CIITA: variants seen among roughly 807,000 people sequenced by gnomAD.
The protein encoded by CIITA is class II major histocompatibility complex transactivator, also known as MHC class II transactivator.
Under a neutral mutation model 115.1 loss-of-function variants are expected in CIITA, and 72 were observed. The observed-to-expected ratio is 0.63, with a 90% CI of 0.52 to 0.76. The LOEUF (loss-of-function observed/expected upper bound fraction) is 0.76, where lower values mean the gene tolerates loss of function less well. CIITA is among the 30% of genes least tolerant of loss of function. The probability of loss-of-function intolerance (pLI) is 0.00; values close to 1 mark genes in which losing one functional copy is unlikely to be tolerated. For missense variants in CIITA, 1,617 were observed against 1,463.8 expected (o/e 1.10, Z -1.71); for synonymous variants, 763 against 635.6 (o/e 1.20, Z -3.02).
intron 15 of CIITA, chr16:10,917,101 A>G (rs2039993292): frequency 4.7e-6 from 1 of 210,976 alleles, no homozygotes; most frequent in African/African-American, 2.3e-5. Flanking sequence ...ATTATTATCA[A>G]AACAGTAAAA....
intron 15 of CIITA, 62 bp downstream of exon 15, chr16:10,916,521 C>A: frequency 7.0e-7 from 1 of 1,418,516 alleles, no homozygotes; most frequent in Non-Finnish European, 9.8e-7. Context: ...CTGACTTTTT[C>A]AAAATTAATT....
chr16:10,920,475 G>A lies in CIITA; in HGVS notation c.3150-1692G>A, dbSNP rs1407216541. On this transcript the variant is annotated intron_variant, in intron 16 of 19. Coordinates refer to ENST00000324288, the MANE Select transcript of CIITA (RefSeq NM_000246.4). The surrounding 1 kb of genome is among the most constrained non-coding windows in gnomAD (Gnocchi z 4.5). ...TGGCCCAGACTGGTCTTGAAATCCT[G>A]GGCCCAAGCGATCCACCCACCTCAG... Among the ~76,000 whole-genome samples the A allele has an allele frequency of 2.6e-5, 4 of 152,192 alleles. No individual in the cohort carries two copies. The highest frequency in any genetic ancestry group is 9.7e-5 in the African/African-American group (4 of 41,444).
At chr16:10,905,025 C>G (rs1048253531) in intron 10 of CIITA, among the ~76,000 whole-genome samples, 3 of 152,170 alleles carry the variant, frequency 2.0e-5, no homozygotes, top group Admixed American at 2.0e-4. Context: ...TATTGCCCTT[C>G]AATAAGCCTG....
intron 1 of CIITA, among the ~76,000 whole-genome samples, chr16:10,890,787 T>C (rs1410942598): frequency 2.0e-5 from 3 of 152,216 alleles, no homozygotes; most frequent in African/African-American, 7.2e-5. Context: ...TGTGCTGCCT[T>C]AAACTTCTGT....
chr16:10,893,398 T>A (rs2037791522), intron 1 of CIITA, among the ~76,000 whole-genome samples: 1 of 152,184 alleles, frequency 6.6e-6, no homozygotes, highest in African/African-American at 2.4e-5. Context: ...AAGAGCTACA[T>A]GATCTTGAGG....
chr16:10,877,701 G>A (rs543785194), intron 1 of CIITA, among the ~76,000 whole-genome samples: 8 of 152,242 alleles, frequency 5.3e-5, no homozygotes, highest in Middle Eastern at 3.4e-3. Flanking sequence ...AGGTCTTCTC[G>A]CCTCCCTTTG....
At chr16:10,905,615 A>G (rs2039086259) in intron 10 of CIITA, among the ~76,000 whole-genome samples, 2 of 152,004 alleles carry the variant, frequency 1.3e-5, no homozygotes, top group African/African-American at 4.8e-5. Context: ...TACAAAAATT[A>G]GCCAGACGTG....
At position 10,934,416 on chromosome 16, in the gene CIITA, G is replaced by C. The variant is rs2040936139; in HGVS notation, c.*10561G>C. The stretch of plus-strand genomic sequence containing the variant: ...CCCTTGGCCTGTATAACTGAGCCTT[G>C]TGCCAGTTAAAAGGGCAAAGCAGTA... On this transcript the variant is annotated 3_prime_UTR_variant, in exon 20 of 20. Transcript: ENST00000324288. The surrounding 1 kb of genome is among the most constrained non-coding windows in gnomAD (Gnocchi z 4.2). 6.6e-6 allele frequency: 1 copy of C among 152,228 alleles called. No individual in the cohort carries two copies. The allele number at this position is 152,228 out of a possible 1,614,324, so 9.4% of individuals were successfully genotyped here.
intron 1 of CIITA, among the ~76,000 whole-genome samples, chr16:10,887,991 C>A (rs1479780062): frequency 6.6e-6 from 1 of 152,198 alleles, no homozygotes; most frequent in Non-Finnish European, 1.5e-5. Context: ...ACAACAATCT[C>A]CCAGAGTTGC....
intron 1 of CIITA, among the ~76,000 whole-genome samples, chr16:10,894,686 T>C (rs1203420523): frequency 1.3e-5 from 2 of 152,192 alleles, no homozygotes; most frequent in Non-Finnish European, 2.9e-5. Context: ...AGTTTACATA[T>C]TAGGAAACTG....
At chr16:10,902,600 A>C in intron 7 of CIITA, 58 bp from the exon 8 acceptor site, 1 of 1,610,050 alleles carries the variant, frequency 6.2e-7, no homozygotes, top group Non-Finnish European at 8.5e-7. Flanking sequence ...AAGCAAAAGC[A>C]GAATCGCAAA....
rs182369772 is a variant in CIITA, at chr16:10,906,660, C to T, written c.1168C>T (p.Arg390Trp). The T allele has an allele frequency of 2.2e-5, 35 of 1,613,526 alleles. No individual in the cohort carries two copies. Among genetic ancestry groups the T allele is most frequent in the East Asian group, 1.3e-4 (6 of 44,890 alleles). ...RELATPDWAE[R>W]QLAQGGLAEV... ...ACTGGCCACCCCGGACTGGGCAGAA[C>T]GGCAGCTGGCCCAAGGAGGCCTGGC... The change falls in exon 11 of 20, where the codon CGG becomes TGG. Residue 390 changes from arginine (R) to tryptophan (W), a missense_variant. Transcript: ENST00000324288.
At chr16:10,915,198 C>G (rs2039867826) in intron 13 of CIITA, 2 of 379,850 alleles carry the variant, frequency 5.3e-6, no homozygotes, top group African/African-American at 4.2e-5. Context: ...CCACAGGACA[C>G]ACCACCACAC....
At chr16:10,911,824 T>C (rs1442532225) in intron 13 of CIITA, among the ~76,000 whole-genome samples, 1 of 152,110 alleles carries the variant, frequency 6.6e-6, no homozygotes, top group Admixed American at 6.6e-5. Flanking sequence ...GTGCTAGGAT[T>C]ACAGGTGCGA....
intron 1 of CIITA, chr16:10,866,544 G>C (rs774917379): frequency 1.8e-6 from 1 of 548,902 alleles, no homozygotes; most frequent in East Asian, 4.0e-5. Context: ...CAGCAGCCGA[G>C]AGGGGCCCCG....
chr16:10,878,948 G>A (rs2036119425), intron 1 of CIITA: 1 of 225,522 alleles, frequency 4.4e-6, no homozygotes, highest in Non-Finnish European at 8.8e-6. Flanking sequence ...GAGGTAGGAT[G>A]ACCAGCGGAC....
At chr16:10,911,132 A>T (rs1214742745) in intron 13 of CIITA, among the ~76,000 whole-genome samples, 1 of 152,164 alleles carries the variant, frequency 6.6e-6, no homozygotes. Context: ...GCAGCCCACC[A>T]TACATGGGCC....
intron 11 of CIITA, 166 bp downstream of exon 11, chr16:10,908,315 G>A: frequency 2.3e-6 from 2 of 861,500 alleles, no homozygotes; most frequent in Admixed American, 2.0e-5. Context: ...GCTCAGAGAG[G>A]GGCAGCCACT....
Position 10,932,615 on chromosome 16 carries a change from C to A in CIITA, c.*8760C>A, listed in dbSNP as rs1169636386. ...TGTCTGGGGCCACATATAAAATATA[C>A]TAATGATAGCTCATGAGCTAAAAAA... On this transcript the variant is annotated 3_prime_UTR_variant, in exon 20 of 20. Coordinates refer to ENST00000324288, the MANE Select transcript of CIITA (RefSeq NM_000246.4). The A allele has an allele frequency of 1.3e-5, 2 of 150,598 alleles. No homozygotes were observed. The highest frequency in any genetic ancestry group is 4.9e-5 in the African/African-American group (2 of 40,844). 9.3% of individuals were successfully genotyped at this position (150,598 alleles called of 1,614,324 possible). A position where few individuals can be genotyped will look rare whatever the true frequency, so the allele number is the denominator to read the frequency against.
Sources: gnomAD v4.1 joint callset for allele counts (sites outside exome capture counted in the v4.1 genomes callset) on GRCh38, gnomAD v4.1.1 for gene constraint, Gnocchi (gnomAD v3.1) non-coding constraint, MANE v1.5 for transcripts, NCBI Gene and HGNC (gene_info 2026-07-23, HGNC 2026-07-21) for gene names.